DNAJA3: variants seen among roughly 807,000 people sequenced by gnomAD.
DNAJA3 encodes the protein dnaJ homolog subfamily A member 3, mitochondrial.
Under a neutral mutation model 54.9 loss-of-function variants are expected in DNAJA3, and 29 were observed. That is an observed-to-expected ratio of 0.53 (90% CI 0.39 to 0.72). DNAJA3 has a LOEUF of 0.72. DNAJA3 is among the 30% of genes least tolerant of loss of function. The pLI is 0.00. For synonymous variants in DNAJA3, 302 were observed against 251.4 expected, an observed-to-expected ratio of 1.20 and a Z score of -1.90; for missense variants, 708 against 639.4, an observed-to-expected ratio of 1.11 and a Z score of -1.16.
intron 3 of DNAJA3, chr16:4,441,163 G>A: frequency 3.6e-6 from 2 of 560,256 alleles, no homozygotes; most frequent in Admixed American, 3.6e-5. Flanking sequence ...GAGACTTTTG[G>A]AAGCACTTCA....
At chr16:4,448,870 G>A (rs1352854238) in intron 9 of DNAJA3, 22 bp downstream of exon 9, 2 of 1,580,466 alleles carry the variant, frequency 1.3e-6, no homozygotes, top group East Asian at 2.2e-5. Context: ...CTAGGCTGTG[G>A]CCAAGCCCGC....
intron 1 of DNAJA3, chr16:4,432,002 G>A (rs1416968170): frequency 6.6e-6 from 1 of 151,696 alleles, no homozygotes; most frequent in African/African-American, 2.4e-5. Flanking sequence ...CTATTCCTAG[G>A]CCCCATTAAT....
chr16:4,454,670 GC>G (rs2057014743), intron 10 of DNAJA3, 140 bp from the exon 11 acceptor site: 2 of 621,566 alleles, frequency 3.2e-6, no homozygotes, highest in Non-Finnish European at 2.9e-6. Flanking sequence ...CTTAGGAGTG[GC>G]CCCCACTCTT....
chr16:4,441,408 G>C lies in DNAJA3; in HGVS notation c.463G>C (p.Asp155His). The change falls in exon 4 of 12, where the codon GAT becomes CAT. Residue 155 changes from aspartate to histidine, a missense_variant. Asp to His is a moderately conservative substitution (Grantham distance 81). Transcript: ENST00000262375. ...TGATGAGGTGAAGAGGAAGCAGTAC[G>C]ATGCCTACGGCTCTGCAGGCTTCGA... ...LSDEVKRKQY[D>H]AYGSAGFDPG... 1 of 1,613,986 alleles carries C rather than the reference G, an allele frequency of 6.2e-7. No individual in the cohort carries two copies. Among genetic ancestry groups the C allele is most frequent in the Non-Finnish European group, 8.5e-7 (1 of 1,180,014 alleles).
In DNAJA3 at chr16:4,454,891, C is replaced by T. The variant is rs750794558; in HGVS notation, c.1420C>T (p.Leu474Phe). Residue 474 changes from leucine (L) to phenylalanine (F), a missense_variant, in exon 11 of 12, where the codon CTT (leucine) becomes TTT (phenylalanine). Leu to Phe is a conservative substitution (Grantham distance 22). Coordinates refer to ENST00000262375, the MANE Select transcript of DNAJA3 (RefSeq NM_005147.6). ...GEDEEGFLSK[L>F]KKMFTS ...GGACGAGGAGGGATTCCTTTCCAAA[C>T]TTAAGAAAATGTTTACCTCATGATA... The T allele has an allele frequency of 3.1e-6, 5 of 1,613,922 alleles. No homozygotes were observed. Among genetic ancestry groups the T allele is most frequent in the Non-Finnish European group, 4.2e-6 (5 of 1,179,836 alleles).
At chr16:4,443,296 A>G (rs1216685879) in intron 6 of DNAJA3, 132 bp downstream of exon 6, 8 of 1,167,978 alleles carry the variant, frequency 6.8e-6, no homozygotes, top group Non-Finnish European at 9.4e-6. Flanking sequence ...GGTAGAAGTT[A>G]TGGTTGAGGC....
intron 1 of DNAJA3, chr16:4,434,036 C>T (rs904685391): frequency 7.2e-6 from 2 of 277,206 alleles, no homozygotes; most frequent in Admixed American, 5.2e-5. Flanking sequence ...GAGGCCTCAG[C>T]GATCGTGGCG....
At chr16:4,429,299 C>T (rs1019253876) in intron 1 of DNAJA3, among the ~76,000 whole-genome samples, 30 of 152,102 alleles carry the variant, frequency 2.0e-4, no homozygotes, top group African/African-American at 6.8e-4. Context: ...TCTCGGCTCA[C>T]CGCATCCTCC....
rs752828166 is a variant in DNAJA3 at position 4,442,407 on chromosome 16, G to A, written c.770G>A (p.Gly257Asp). The A allele has an allele frequency of 3.5e-5, 56 of 1,601,078 alleles. No individual in the cohort carries two copies. Among genetic ancestry groups the A allele is most frequent in the Admixed American group, 1.7e-4 (10 of 58,610 alleles). Residue 257 changes from glycine to aspartate, a missense_variant, in exon 5 of 12, where the codon GGC (glycine) becomes GAC (aspartate). Coordinates refer to ENST00000262375, the MANE Select transcript of DNAJA3 (RefSeq NM_005147.6). ...AAGGTGCAGCATTGCCACTACTGTG[G>A]CGGCTCCGGCATGGTAAGGCTCTGC... ...GTKVQHCHYCGGSGMETINTG... is the reference protein window; with the variant it reads ...GTKVQHCHYCDGSGMETINTG...
At position 4,451,896 on chromosome 16, in the gene DNAJA3, TAA is replaced by T. The variant is rs368431722; in HGVS notation, c.1339+1414_1339+1415del. ...CAACATGGTGAAACCCTGTCTCTAC[TAA>T]AAAAAAAAAAAAAATACAAAAACTA... On this transcript the variant is annotated intron_variant, in intron 10 of 11. Coordinates refer to ENST00000262375, the MANE Select transcript of DNAJA3 (RefSeq NM_005147.6). Among the ~76,000 whole-genome samples the T allele has an allele frequency of 2.1e-3, 297 of 138,788 alleles. 1 individual carries two copies. Among genetic ancestry groups the T allele is most frequent in the South Asian group, 2.8e-3 (12 of 4,348 alleles). 91.1% of individuals were successfully genotyped at this position (138,788 alleles called of 152,430 possible). A position where few individuals can be genotyped will look rare whatever the true frequency, so the allele number is the denominator to read the frequency against.
In DNAJA3 at chr16:4,427,725, G is replaced by T. The variant is rs142490655; in HGVS notation, c.211+1633G>T. Among the ~76,000 whole-genome samples the T allele has an allele frequency of 3.2e-3, 481 of 152,292 alleles. 2 individuals carry two copies. Among genetic ancestry groups the T allele is most frequent in the African/African-American group, 0.011 (448 of 41,564 alleles). On this transcript the variant is annotated intron_variant, in intron 1 of 11. Transcript: ENST00000262375. ...GCCTCCTGTTGCCCAGACTGGTGCA[G>T]AGGCACAATTACAACTCAGTGCAAC...
At chr16:4,440,187 C>T (rs2056821549) in intron 3 of DNAJA3, 5 of 152,056 alleles carry the variant, frequency 3.3e-5, no homozygotes, top group Admixed American at 3.3e-4. Flanking sequence ...AGTCCACCTG[C>T]CTTGGCCTCC....
chr16:4,435,161 A>C (rs1010579592), intron 2 of DNAJA3, among the ~76,000 whole-genome samples: 5 of 151,912 alleles, frequency 3.3e-5, no homozygotes, highest in Non-Finnish European at 7.4e-5. Flanking sequence ...CAGCCTCCCA[A>C]AGTGCTGGGA....
chr16:4,444,402 G>A (rs2056877112), intron 6 of DNAJA3, among the ~76,000 whole-genome samples: 1 of 150,152 alleles, frequency 6.7e-6, no homozygotes, highest in Admixed American at 6.7e-5. Flanking sequence ...GGCGTGTAGT[G>A]GAGTGATCTC....
chr16:4,430,274 G>A (rs1480720129), intron 1 of DNAJA3, among the ~76,000 whole-genome samples: 1 of 151,936 alleles, frequency 6.6e-6, no homozygotes, highest in Non-Finnish European at 1.5e-5. Context: ...CAGAAAGAAA[G>A]CAGTTGTTGG....
intron 1 of DNAJA3, among the ~76,000 whole-genome samples, chr16:4,432,357 T>C (rs1381419258): frequency 1.5e-5 from 2 of 137,046 alleles, no homozygotes; most frequent in African/African-American, 5.3e-5. Context: ...CTTTTTTTTT[T>C]CTGTGATGGA....
intron 2 of DNAJA3, among the ~76,000 whole-genome samples, chr16:4,437,136 A>T (rs991076268): frequency 6.1e-4 from 92 of 151,946 alleles, no homozygotes; most frequent in African/African-American, 2.2e-3. Context: ...ACGCCTGACT[A>T]ATTTTTTCTA....
At chr16:4,450,785 A>G (rs552570128) in intron 10 of DNAJA3, among the ~76,000 whole-genome samples, 3 of 152,140 alleles carry the variant, frequency 2.0e-5, no homozygotes, top group East Asian at 1.9e-4. Context: ...TCTGAGTTCT[A>G]TTCTTGGTTC....
Position 4,446,906 on chromosome 16 carries a change from C to T in DNAJA3, c.1017C>T (p.Phe339=). 2 of 1,614,062 alleles carry T rather than the reference C, an allele frequency of 1.2e-6. No individual in the cohort carries two copies. Among genetic ancestry groups the T allele is most frequent in the Non-Finnish European group, 1.7e-6 (2 of 1,180,018 alleles). ...CTTAGGTGCAGAAAAGCCCTGTGTT[C>T]CGGAGGGACGGCGCAGACATCCACT... The part of the protein sequence containing the change: ...ITFRVQKSPV[F]RRDGADIHSD... Residue 339 remains phenylalanine, a synonymous_variant, in exon 8 of 12, where the codon TTC becomes TTT. Transcript: ENST00000262375.
Sources: gnomAD v4.1 joint callset for allele counts (sites outside exome capture counted in the v4.1 genomes callset) on GRCh38, gnomAD v4.1.1 for gene constraint, MANE v1.5 for transcripts, NCBI Gene and HGNC (gene_info 2026-07-23, HGNC 2026-07-21) for gene names.